MAP4K5: variants seen among roughly 807,000 people sequenced by gnomAD.
MAP4K5 encodes MAPK/ERK kinase kinase kinase 5.
In MAP4K5, 82 loss-of-function variants were observed where a neutral mutation model predicts 135.6. The ratio of observed to expected loss-of-function variants is 0.60; its 90% CI spans 0.51 to 0.73. MAP4K5 has a LOEUF of 0.73. Ranked by LOEUF, MAP4K5 falls within the 30% of genes least tolerant of loss-of-function variation. MAP4K5 has a pLI of 0.00. For synonymous variants in MAP4K5, 347 were observed against 335.0 expected (o/e 1.04, Z -0.39); for missense variants, 907 against 1,010.9 (o/e 0.90, Z 1.39).
In MAP4K5 at chr14:50,462,739, C is replaced by T. The variant is rs1026313982; in HGVS notation, c.862G>A (p.Val288Ile). The change falls in exon 13 of 33, where the codon GTT becomes ATT. Residue 288 changes from valine to isoleucine, a missense_variant. This residue lies in a region of MAP4K5 where 690 missense variants were observed against 777.4 expected (regional missense o/e 0.89). Transcript: ENST00000682126. ...TTGTTCACTTTGTCTAACAGTTCAA[C>T]TGCTAGGGCTCTAGAGAGACCTGGC... ...AQPGLSRALA[V>I]ELLDKVNNPD... is the part of the protein sequence containing the mutation. 6.2e-7 allele frequency: 1 copy of T among 1,605,194 alleles called. No homozygotes were observed. Among genetic ancestry groups the T allele is most frequent in the African/African-American group, 1.3e-5 (1 of 74,270 alleles).
At chr14:50,450,930 T>C (rs976695512) in intron 14 of MAP4K5, among the ~76,000 whole-genome samples, 2 of 151,848 alleles carry the variant, frequency 1.3e-5, no homozygotes, top group Non-Finnish European at 2.9e-5. Flanking sequence ...CCATAACCAG[T>C]TGAAAACAAA....
chr14:50,527,334 G>A lies in MAP4K5; in HGVS notation c.108+4608C>T, dbSNP rs143715670. On this transcript the variant is annotated intron_variant, in intron 2 of 32. Transcript: ENST00000682126. Reference sequence around the variant, plus strand: ...CAGCCTGGCGACACTGCAAGACTCCGTCTCAAAAAAAAAAGTACTTTTGTA... The same window carrying A: ...CAGCCTGGCGACACTGCAAGACTCCATCTCAAAAAAAAAAGTACTTTTGTA... Among the ~76,000 whole-genome samples, 61 of 150,122 alleles carry A rather than the reference G, an allele frequency of 4.1e-4. No individual in the cohort carries two copies. In the East Asian group the frequency reaches 0.01, roughly 26 times the overall value.
Position 50,428,672 on chromosome 14 carries a change from A to G in MAP4K5, c.2316T>C (p.Ile772=). Residue 772 remains isoleucine, a synonymous_variant, in exon 30 of 33, where the codon ATT becomes ATC. Coordinates refer to ENST00000682126, the MANE Select transcript of MAP4K5 (RefSeq NM_006575.6). The part of the protein sequence containing the change: ...LASELSFDFR[I]ESVVCLQDSV... ...AAAAAGGAAACTTACCTACAGATTC[A>G]ATGCGAAAATCAAAACTTAACTCAG... The G allele has an allele frequency of 6.6e-7, 1 of 1,507,494 alleles. No homozygotes were observed. Among genetic ancestry groups the G allele is most frequent in the Admixed American group, 2.5e-5 (1 of 39,760 alleles). 93.4% of individuals were successfully genotyped at this position (1,507,494 alleles called of 1,614,324 possible).
At chr14:50,434,165 C>T (rs2036036318) in intron 28 of MAP4K5, among the ~76,000 whole-genome samples, 2 of 152,158 alleles carry the variant, frequency 1.3e-5, no homozygotes, top group Non-Finnish European at 2.9e-5. Context: ...AGACTTTTCA[C>T]TGTCAGGAAT....
At chr14:50,470,222 T>C (rs2036926671) in intron 9 of MAP4K5, among the ~76,000 whole-genome samples, 1 of 152,168 alleles carries the variant, frequency 6.6e-6, no homozygotes, top group Admixed American at 6.6e-5. Context: ...AGTGGGAAAC[T>C]GTATTCAATC....
At chr14:50,461,425 A>AT (rs2036708952) in intron 13 of MAP4K5, among the ~76,000 whole-genome samples, 1 of 152,172 alleles carries the variant, frequency 6.6e-6, no homozygotes, top group South Asian at 2.1e-4. Context: ...AATAAAATAA[A>AT]TAAATAAATA....
chr14:50,468,351 C>G (rs986580369), intron 10 of MAP4K5: 3 of 254,964 alleles, frequency 1.2e-5, no homozygotes, highest in Non-Finnish European at 2.2e-5. Flanking sequence ...ACAATTTACT[C>G]TTATGTTGTT....
chr14:50,425,972 G>T lies in MAP4K5; in HGVS notation c.2332C>A (p.Leu778Ile). Reference sequence around the variant, plus strand: ...CAGAAAGCCAACACACTGTCTTGAAGGCATACTAAAAATGATAAGGGAGAA... The same window carrying T: ...CAGAAAGCCAACACACTGTCTTGAATGCATACTAAAAATGATAAGGGAGAA... Reference protein sequence around the residue: ...FDFRIESVVCLQDSVLAFWKH... With the variant: ...FDFRIESVVCIQDSVLAFWKH... Residue 778 changes from leucine to isoleucine, a missense_variant, in exon 31 of 33, where the codon CTT (leucine) becomes ATT (isoleucine). Physicochemically the swap from Leu to Ile is conservative, Grantham distance 5. Around this residue, in one of 3 missense-constraint regions of MAP4K5, gnomAD observed 690 missense variants for 777.4 expected, o/e 0.89. Transcript: ENST00000682126. 6.2e-7 allele frequency: 1 copy of T among 1,605,430 alleles called. No homozygotes were observed. Among genetic ancestry groups the T allele is most frequent in the Non-Finnish European group, 8.5e-7 (1 of 1,173,162 alleles).
intron 10 of MAP4K5, among the ~76,000 whole-genome samples, chr14:50,467,813 T>G (rs1156264514): frequency 2.0e-5 from 3 of 152,178 alleles, no homozygotes; most frequent in African/African-American, 7.2e-5. Flanking sequence ...TAGCTGCTTA[T>G]GAGCTCAAAT....
intron 28 of MAP4K5, 49 bp downstream of exon 28, chr14:50,434,345 T>G: frequency 6.8e-7 from 1 of 1,480,004 alleles, no homozygotes; most frequent in African/African-American, 1.4e-5. Flanking sequence ...TTTTGCTTCT[T>G]TTATAGGCAA....
At chr14:50,559,892 A>T in intron 1 of MAP4K5, 1 of 317,098 alleles carries the variant, frequency 3.2e-6, no homozygotes, top group Non-Finnish European at 6.1e-6. Context: ...CGGTTTGTGT[A>T]TTTCTGATAA....
At chr14:50,523,678 GT>G (rs1263338390) in intron 2 of MAP4K5, among the ~76,000 whole-genome samples, 3 of 151,828 alleles carry the variant, frequency 2.0e-5, no homozygotes, top group African/African-American at 7.3e-5. Flanking sequence ...TAATCTCCTT[GT>G]AACGTATTAT....
At chr14:50,493,605 A>C (rs2139970927) in intron 3 of MAP4K5, among the ~76,000 whole-genome samples, 1 of 152,336 alleles carries the variant, frequency 6.6e-6, no homozygotes, top group East Asian at 1.9e-4. Context: ...AATTTAGCAA[A>C]ATTGTAAGAT....
At chr14:50,476,041 GTTAA>G (rs1263995149) in intron 8 of MAP4K5, 83 bp downstream of exon 8, 2 of 717,690 alleles carry the variant, frequency 2.8e-6, no homozygotes, top group Non-Finnish European at 4.5e-6. Flanking sequence ...TCTGCATAAT[GTTAA>G]TTCTCATTTA....
rs577249597 is a variant in MAP4K5, at chr14:50,445,373, A to G, written c.1186-179T>C. On this transcript the variant is annotated intron_variant, in intron 17 of 32. Coordinates refer to ENST00000682126, the MANE Select transcript of MAP4K5 (RefSeq NM_006575.6). Reference sequence around the variant, plus strand: ...CTATCAACTTGCCATGTGATTTTTAATCAGCCTTAAAACTGATAAAATTTT... The same window carrying G: ...CTATCAACTTGCCATGTGATTTTTAGTCAGCCTTAAAACTGATAAAATTTT... Among the ~76,000 whole-genome samples, 3 of 152,288 alleles carry G rather than the reference A, an allele frequency of 2.0e-5. 1 individual carries two copies. The highest frequency in any genetic ancestry group is 7.2e-5 in the African/African-American group (3 of 41,582).
chr14:50,443,834 T>A, intron 19 of MAP4K5, 64 bp from the exon 20 acceptor site: 1 of 1,512,700 alleles, frequency 6.6e-7, no homozygotes, highest in East Asian at 2.3e-5. Context: ...ACTTGAGACA[T>A]TTAGAACTTC....
intron 26 of MAP4K5, among the ~76,000 whole-genome samples, chr14:50,435,505 T>C (rs1346616646): frequency 6.6e-6 from 1 of 151,870 alleles, no homozygotes; most frequent in Admixed American, 6.6e-5. Context: ...GCAGAGACTA[T>C]AGGTGTATGC....
At chr14:50,482,208 G>A (rs2037258816) in intron 6 of MAP4K5, among the ~76,000 whole-genome samples, 153 bp downstream of exon 6, 1 of 152,148 alleles carries the variant, frequency 6.6e-6, no homozygotes, top group African/African-American at 2.4e-5. Context: ...AGAATTATAA[G>A]AGATTAACAG....
At chr14:50,435,756 T>C (rs931497252) in intron 26 of MAP4K5, among the ~76,000 whole-genome samples, 2 of 152,162 alleles carry the variant, frequency 1.3e-5, no homozygotes, top group Non-Finnish European at 2.9e-5. Context: ...TAATTCATCT[T>C]GTATGTATTA....
Sources: gnomAD v4.1 joint callset for allele counts (sites outside exome capture counted in the v4.1 genomes callset) on GRCh38, gnomAD v4.1.1 for gene constraint, gnomAD v4.1.1 regional missense constraint, MANE v1.5 for transcripts, NCBI Gene and HGNC (gene_info 2026-07-23, HGNC 2026-07-21) for gene names.